OR51B2: variants seen among roughly 807,000 people sequenced by gnomAD.
OR51B2 encodes olfactory receptor 51B2.
For synonymous variants in OR51B2, 158 were observed against 135.3 expected (o/e 1.17, Z -1.16); for missense variants, 463 against 380.1 (o/e 1.22, Z -1.81).
chr11:5,324,238 T>C lies in OR51B2; in HGVS notation c.60A>G (p.Ala20=). The C allele has an allele frequency of 1.2e-6, 2 of 1,613,854 alleles. No individual in the cohort carries two copies. The highest frequency in any genetic ancestry group is 2.2e-5 in the South Asian group (2 of 91,056). The change falls in exon 1 of 1, where the codon GCA becomes GCG. Residue 20 remains alanine, a synonymous_variant. Transcript: ENST00000624187. ...AGGGGATGGAGATCCAGTGATGAGC[T>C]GCCTCCAGCCCTGGAAAGCCAGTCA... ...FLLTGFPGLE[A]AHHWISIPFF...
Position 5,323,511 on chromosome 11 carries a change from CA to C in OR51B2, c.786del (p.Phe262LeufsTer13). The C allele has an allele frequency of 6.2e-7, 1 of 1,613,552 alleles. No individual in the cohort carries two copies. Among genetic ancestry groups the C allele is most frequent in the Non-Finnish European group, 8.5e-7 (1 of 1,179,646 alleles). On this transcript the variant is annotated frameshift_variant, in exon 1 of 1. Transcript: ENST00000624187. LOFTEE classifies it low-confidence loss of function (END_TRUNC). ...TVMGLTFIYR[F>X]GKNVPEVVHI... is the part of the protein sequence containing the mutation. ...TGGACAACCTCTGGCACATTCTTCCCAAATCTGTAAATGAATGTCAAACCCA... is the reference window on the plus strand; with the variant it reads ...TGGACAACCTCTGGCACATTCTTCCCAATCTGTAAATGAATGTCAAACCCA...
At position 5,323,428 on chromosome 11, in the gene OR51B2, G is replaced by A. The variant is rs1452268867; in HGVS notation, c.870C>T (p.Tyr290=). ...LFPPLMNPVI[Y]SIKTKQIQYG... ...ATTGTATTTGCTTGGTTTTGATGCT[G>A]TAGATGACAGGGTTCATTAAAGGAG... Residue 290 remains tyrosine, a synonymous_variant, in exon 1 of 1, where the codon TAC becomes TAT. Transcript: ENST00000624187. 2 of 1,613,734 alleles carry A rather than the reference G, an allele frequency of 1.2e-6. No individual in the cohort carries two copies. The highest frequency in any genetic ancestry group is 1.7e-5 in the Admixed American group (1 of 59,970).
At position 5,324,121 on chromosome 11, in the gene OR51B2, G is replaced by C; in HGVS notation, c.177C>G (p.Tyr59Ter). The C allele has an allele frequency of 6.2e-7, 1 of 1,613,996 alleles. No individual in the cohort carries two copies. Among genetic ancestry groups the C allele is most frequent in the Non-Finnish European group, 8.5e-7 (1 of 1,179,926 alleles). The change falls in exon 1 of 1, where the codon TAC (tyrosine) becomes TAG (stop). Residue 59 changes from tyrosine (Y) to a stop codon, truncating the protein, a stop_gained. Coordinates refer to ENST00000624187, the MANE Select transcript of OR51B2 (RefSeq NM_033180.5). LOFTEE classifies it low-confidence loss of function (END_TRUNC). ...CTGTGCCTGCCAGCATGGTGAGGAAGTAGTACATGGGCTCATGAAGACTGT... is the reference window on the plus strand; with the variant it reads ...CTGTGCCTGCCAGCATGGTGAGGAACTAGTACATGGGCTCATGAAGACTGT... ...HDHSLHEPMY[Y>*]FLTMLAGTDL...
In OR51B2 at chr11:5,323,665, G is replaced by A. The variant is rs2133662180; in HGVS notation, c.633C>T (p.Ile211=). Residue 211 remains isoleucine (I), a synonymous_variant, in exon 1 of 1, where the codon ATC becomes ATT. Transcript: ENST00000624187. ...ISLTIFLDCL[I]ILFSYILILN... ...GAATTAGAATATAGGAGAAGAGGAT[G>A]ATCAGACAGTCTAGGAAGATTGTTA... 1 of 1,613,096 alleles carries A rather than the reference G, an allele frequency of 6.2e-7. No homozygotes were observed. The highest frequency in any genetic ancestry group is 1.1e-5 in the South Asian group (1 of 91,032).
chr11:5,323,625 C>T lies in OR51B2; in HGVS notation c.673G>A (p.Gly225Ser), dbSNP rs1848701029. The T allele has an allele frequency of 1.9e-6, 3 of 1,612,124 alleles. No homozygotes were observed. Among genetic ancestry groups the T allele is most frequent in the South Asian group, 2.2e-5 (2 of 91,040 alleles). ...SYILILNTVIGIASGEERAKA... is the reference protein window; with the variant it reads ...SYILILNTVISIASGEERAKA... ...GCTCTCTCTTCACCAGAAGCAATGC[C>T]TATGACAGTATTAAGAATTAGAATA... Residue 225 changes from glycine (G) to serine (S), a missense_variant, in exon 1 of 1, where the codon GGC becomes AGC. By Grantham distance (56) the Gly-to-Ser change is moderately conservative. Transcript: ENST00000624187.
In OR51B2 at chr11:5,323,502, C is replaced by G; in HGVS notation, c.796G>C (p.Val266Leu). 1 of 1,613,688 alleles carries G rather than the reference C, an allele frequency of 6.2e-7. No homozygotes were observed. Among genetic ancestry groups the G allele is most frequent in the Non-Finnish European group, 8.5e-7 (1 of 1,179,662 alleles). The change falls in exon 1 of 1, where the codon GTG becomes CTG. Residue 266 changes from valine (V) to leucine (L), a missense_variant. By Grantham distance (32) the Val-to-Leu change is conservative. Transcript: ENST00000624187. The stretch of plus-strand genomic sequence containing the variant: ...ATGATAATGTGGACAACCTCTGGCA[C>G]ATTCTTCCCAAATCTGTAAATGAAT... Reference protein sequence around the residue: ...LTFIYRFGKNVPEVVHIIMSY... With the variant: ...LTFIYRFGKNLPEVVHIIMSY...
chr11:5,323,833 C>A lies in OR51B2; in HGVS notation c.465G>T (p.Leu155=), dbSNP rs942601462. The part of the protein sequence containing the change: ...GVFLRGFVSI[L]PVILRLFSFS... Reference sequence around the variant, plus strand: ...ATGAAAAAAGACGCAAAATTACAGGCAGGATGGATACAAAACCCCTTAGAA... The same window carrying A: ...ATGAAAAAAGACGCAAAATTACAGGAAGGATGGATACAAAACCCCTTAGAA... Residue 155 remains leucine (L), a synonymous_variant, in exon 1 of 1, where the codon CTG becomes CTT. Coordinates refer to ENST00000624187, the MANE Select transcript of OR51B2 (RefSeq NM_033180.5). The A allele has an allele frequency of 6.2e-7, 1 of 1,613,730 alleles. No individual in the cohort carries two copies. Among genetic ancestry groups the A allele is most frequent in the Non-Finnish European group, 8.5e-7 (1 of 1,179,966 alleles).
At position 5,323,845 on chromosome 11, in the gene OR51B2, A is replaced by C; in HGVS notation, c.453T>G (p.Phe151Leu). ...GCAAAATTACAGGCAGGATGGATACAAAACCCCTTAGAAACACTCCCACTC... is the reference window on the plus strand; with the variant it reads ...GCAAAATTACAGGCAGGATGGATACCAAACCCCTTAGAAACACTCCCACTC... ...ALGVGVFLRG[F>L]VSILPVILRL... Residue 151 changes from phenylalanine (F) to leucine (L), a missense_variant, in exon 1 of 1, where the codon TTT becomes TTG. Transcript: ENST00000624187. The C allele has an allele frequency of 6.2e-7, 1 of 1,614,082 alleles. No homozygotes were observed. The highest frequency in any genetic ancestry group is 8.5e-7 in the Non-Finnish European group (1 of 1,179,998).
rs574065687 is a variant in OR51B2 at position 5,324,118 on chromosome 11, G to A, written c.180C>T (p.Phe60=). ...GGTCTGTGCCTGCCAGCATGGTGAG[G>A]AAGTAGTACATGGGCTCATGAAGAC... The part of the protein sequence containing the change: ...DHSLHEPMYY[F]LTMLAGTDLM... The change falls in exon 1 of 1, where the codon TTC becomes TTT. Residue 60 remains phenylalanine, a synonymous_variant. Transcript: ENST00000624187. 6.2e-7 allele frequency: 1 copy of A among 1,613,982 alleles called. No homozygotes were observed. The highest frequency in any genetic ancestry group is 1.3e-5 in the African/African-American group (1 of 75,016).
rs200164732 is a variant in OR51B2 at position 5,324,031 on chromosome 11, C to A, written c.267G>T (p.Glu89Asp). The A allele has an allele frequency of 6.8e-5, 110 of 1,613,854 alleles. No homozygotes were observed. The highest frequency in any genetic ancestry group is 1.3e-4 in the Admixed American group (8 of 59,958). Residue 89 changes from glutamate (E) to aspartate (D), a missense_variant, in exon 1 of 1, where the codon GAG becomes GAT. By Grantham distance (45) the Glu-to-Asp change is conservative. Transcript: ENST00000624187. Reference protein sequence around the residue: ...VMGILWVNHREISSVGCFLQA... With the variant: ...VMGILWVNHRDISSVGCFLQA... ...GTAGGAAGCAGCCCACACTGCTAAT[C>A]TCCCTGTGATTCACCCATAGGATGC...
Position 5,323,864 on chromosome 11 carries a change from C to T in OR51B2, c.434G>A (p.Gly145Glu), listed in dbSNP as rs377186037. 3.7e-6 allele frequency: 6 copies of T among 1,613,756 alleles called. No individual in the cohort carries two copies. The highest frequency in any genetic ancestry group is 5.1e-6 in the Non-Finnish European group (6 of 1,179,914). The change falls in exon 1 of 1, where the codon GGA becomes GAA. Residue 145 changes from glycine (G) to glutamate (E), a missense_variant. By Grantham distance (98) the Gly-to-Glu change is moderately conservative. Transcript: ENST00000624187. ...GGATACAAAACCCCTTAGAAACACT[C>T]CCACTCCTAACGCTATGACTCTAGT... ...TNTRVIALGV[G>E]VFLRGFVSIL...
In OR51B2 at chr11:5,323,521, A is replaced by G; in HGVS notation, c.777T>C (p.Ile259=). The change falls in exon 1 of 1, where the codon ATT becomes ATC. Residue 259 remains isoleucine (I), a synonymous_variant. Coordinates refer to ENST00000624187, the MANE Select transcript of OR51B2 (RefSeq NM_033180.5). ...FYVTVMGLTF[I]YRFGKNVPEV... ...CTGGCACATTCTTCCCAAATCTGTA[A>G]ATGAATGTCAAACCCATCACTGTAA... 6.2e-7 allele frequency: 1 copy of G among 1,613,690 alleles called. No homozygotes were observed. The highest frequency in any genetic ancestry group is 8.5e-7 in the Non-Finnish European group (1 of 1,179,676).
rs1473961205 is a variant in OR51B2, at chr11:5,323,412, G to C, written c.886C>G (p.Gln296Glu). 1.2e-6 allele frequency: 2 copies of C among 1,613,556 alleles called. No homozygotes were observed. The highest frequency in any genetic ancestry group is 2.2e-5 in the South Asian group (2 of 91,060). Residue 296 changes from glutamine to glutamate, a missense_variant, in exon 1 of 1, where the codon CAA becomes GAA. By Grantham distance (29) the Gln-to-Glu change is conservative. Coordinates refer to ENST00000624187, the MANE Select transcript of OR51B2 (RefSeq NM_033180.5). The stretch of plus-strand genomic sequence containing the variant: ...AGGCGGATAATGCCATATTGTATTT[G>C]CTTGGTTTTGATGCTGTAGATGACA... ...NPVIYSIKTK[Q>E]IQYGIIRLLS...
At position 5,323,737 on chromosome 11, in the gene OR51B2, A is replaced by G; in HGVS notation, c.561T>C (p.Cys187=). 1.2e-6 allele frequency: 2 copies of G among 1,613,882 alleles called. No individual in the cohort carries two copies. Among genetic ancestry groups the G allele is most frequent in the Non-Finnish European group, 1.7e-6 (2 of 1,179,956 alleles). ...AAAGTCTATTGAAAGTTATGTCAGCACAAGCCAGTCTCATGATTTCTTGGT... is the reference window on the plus strand; with the variant it reads ...AAAGTCTATTGAAAGTTATGTCAGCGCAAGCCAGTCTCATGATTTCTTGGT... ...CLHQEIMRLA[C]ADITFNRLYP... The change falls in exon 1 of 1, where the codon TGT becomes TGC. Residue 187 remains cysteine, a synonymous_variant. Transcript: ENST00000624187.
rs772053173 is a variant in OR51B2 at position 5,324,272 on chromosome 11, G to C, written c.26C>G (p.Pro9Arg). 9 of 1,613,290 alleles carry C rather than the reference G, an allele frequency of 5.6e-6. No individual in the cohort carries two copies. The highest frequency in any genetic ancestry group is 7.6e-6 in the Non-Finnish European group (9 of 1,179,604). The change falls in exon 1 of 1, where the codon CCT becomes CGT. Residue 9 changes from proline (P) to arginine (R), a missense_variant. Transcript: ENST00000624187. MWPNITAAPFLLTGFPGLE... is the reference protein window; with the variant it reads MWPNITAARFLLTGFPGLE... ...CCCTGGAAAGCCAGTCAGCAAAAAA[G>C]GGGCTGCAGTAATATTGGGCCACAT...
At position 5,323,983 on chromosome 11, in the gene OR51B2, A is replaced by C; in HGVS notation, c.315T>G (p.Leu105=). The C allele has an allele frequency of 6.2e-7, 1 of 1,614,002 alleles. No homozygotes were observed. The highest frequency in any genetic ancestry group is 1.1e-5 in the South Asian group (1 of 91,064). ...CFLQAYFIHS[L]SVVESGSLLA... ...GGAGGGAACCTGATTCCACAACAGAAAGGGAGTGAATAAAGTAAGCCTGTA... is the reference window on the plus strand; with the variant it reads ...GGAGGGAACCTGATTCCACAACAGACAGGGAGTGAATAAAGTAAGCCTGTA... The change falls in exon 1 of 1, where the codon CTT becomes CTG. Residue 105 remains leucine, a synonymous_variant. Transcript: ENST00000624187.
Position 5,323,941 on chromosome 11 carries a change from A to G in OR51B2, c.357T>C (p.Asp119=), listed in dbSNP as rs1309785071. Residue 119 remains aspartate (D), a synonymous_variant, in exon 1 of 1, where the codon GAT becomes GAC. Transcript: ENST00000624187. The part of the protein sequence containing the change: ...ESGSLLAMAY[D]CFIAIRNPLR... Reference sequence around the variant, plus strand: ...AAGGATTGCGGATGGCAATGAAACAATCATATGCCATTGCCAGGAGGGAAC... The same window carrying G: ...AAGGATTGCGGATGGCAATGAAACAGTCATATGCCATTGCCAGGAGGGAAC... 1 of 1,613,794 alleles carries G rather than the reference A, an allele frequency of 6.2e-7. No homozygotes were observed. The highest frequency in any genetic ancestry group is 8.5e-7 in the Non-Finnish European group (1 of 1,179,878).
chr11:5,323,365 A>G lies in OR51B2; in HGVS notation c.933T>C (p.Ser311=). The change falls in exon 1 of 1, where the codon AGT becomes AGC. Residue 311 remains serine (S), a synonymous_variant. Coordinates refer to ENST00000624187, the MANE Select transcript of OR51B2 (RefSeq NM_033180.5). Reference sequence around the variant, plus strand: ...TGATTCTCCAGATCCGAGTTTAACTACTAAACCTATGTTTAGATAAAAGGC... The same window carrying G: ...TGATTCTCCAGATCCGAGTTTAACTGCTAAACCTATGTTTAGATAAAAGGC... ...IIRLLSKHRF[S]S is the part of the protein sequence containing the mutation. 8 of 1,599,032 alleles carry G rather than the reference A, an allele frequency of 5.0e-6. No individual in the cohort carries two copies. Among genetic ancestry groups the G allele is most frequent in the Non-Finnish European group, 6.8e-6 (8 of 1,168,150 alleles).
rs898308471 is a variant in OR51B2, at chr11:5,323,840, G to C, written c.458C>G (p.Ser153Cys). The C allele has an allele frequency of 1.9e-6, 3 of 1,613,752 alleles. No individual in the cohort carries two copies. In the African/African-American group the frequency reaches 4.0e-5, roughly 22 times the overall value. The stretch of plus-strand genomic sequence containing the variant: ...AAGACGCAAAATTACAGGCAGGATG[G>C]ATACAAAACCCCTTAGAAACACTCC... The part of the protein sequence containing the change: ...GVGVFLRGFV[S>C]ILPVILRLFS... Residue 153 changes from serine (S) to cysteine (C), a missense_variant, in exon 1 of 1, where the codon TCC (serine) becomes TGC (cysteine). Physicochemically the swap from Ser to Cys is moderately radical, Grantham distance 112 (BLOSUM62 -1). Transcript: ENST00000624187.
Sources: allele counts gnomAD v4.1 joint callset, GRCh38; gene constraint gnomAD v4.1.1; transcripts MANE v1.5; gene names NCBI Gene and HGNC (gene_info 2026-07-23, HGNC 2026-07-21).